The following CBLB variants were observed in gnomAD, a reference collection of about 807,000 sequenced individuals.
CBLB encodes E3 ubiquitin-protein ligase CBL-B.
In CBLB, 31 loss-of-function variants were observed where a neutral mutation model predicts 104.9. The observed-to-expected ratio is 0.30, with a 90% CI of 0.22 to 0.40. The LOEUF is 0.40. CBLB is among the 10% of genes least tolerant of loss of function. The pLI is 1.00. For missense variants in CBLB, 1,062 were observed against 1,214.6 expected, an observed-to-expected ratio of 0.87 and a Z score of 1.87; for synonymous variants, 440 against 422.6, an observed-to-expected ratio of 1.04 and a Z score of -0.51.
intron 16 of CBLB, 61 bp from the exon 17 acceptor site, chr3:105,678,632 C>G (rs1576272309): frequency 1.3e-6 from 2 of 1,504,886 alleles, no homozygotes; most frequent in Admixed American, 1.9e-5. Flanking sequence ...TACACAGCAT[C>G]TAACAAAAGT....
At chr3:105,712,047 C>A (rs556628979) in intron 10 of CBLB, among the ~76,000 whole-genome samples, 1 of 152,204 alleles carries the variant, frequency 6.6e-6, no homozygotes, top group African/African-American at 2.4e-5. Context: ...TTGGGGATAA[C>A]CTTAAGGGCA....
intron 4 of CBLB, among the ~76,000 whole-genome samples, chr3:105,766,295 AC>A (rs1375004618): frequency 6.6e-6 from 1 of 152,208 alleles, no homozygotes; most frequent in Non-Finnish European, 1.5e-5. Context: ...TGCTGTGAAC[AC>A]TGCTGATATT....
intron 12 of CBLB, among the ~76,000 whole-genome samples, chr3:105,698,639 A>T (rs58631873): frequency 2.7e-5 from 4 of 145,658 alleles, no homozygotes; most frequent in East Asian, 4.1e-4. Flanking sequence ...GCATTTGCTT[A>T]TATTAGGGGC....
intron 3 of CBLB, among the ~76,000 whole-genome samples, chr3:105,841,450 C>T (rs2089530618): frequency 6.6e-6 from 1 of 151,218 alleles, no homozygotes; most frequent in Admixed American, 6.6e-5. Flanking sequence ...TGGCAGAAAC[C>T]AAGATATATA....
At chr3:105,760,322 C>T (rs2077496943) in intron 4 of CBLB, among the ~76,000 whole-genome samples, 1 of 152,084 alleles carries the variant, frequency 6.6e-6, no homozygotes, top group African/African-American at 2.4e-5. Context: ...AAAAATTTTT[C>T]CACTTAGAAG....
At chr3:105,806,996 C>A (rs1383907011) in intron 3 of CBLB, among the ~76,000 whole-genome samples, 1 of 152,140 alleles carries the variant, frequency 6.6e-6, no homozygotes, top group African/African-American at 2.4e-5. Context: ...GGGACACGAA[C>A]AAGCTCTTTT....
rs771435761 is a variant in CBLB, at chr3:105,685,329, G to A, written c.2192C>T (p.Pro731Leu). 6.2e-7 allele frequency: 1 copy of A among 1,613,714 alleles called. No individual in the cohort carries two copies. The highest frequency in any genetic ancestry group is 1.3e-5 in the African/African-American group (1 of 74,900). The change falls in exon 14 of 19, where the codon CCT becomes CTT. Residue 731 changes from proline (P) to leucine (L), a missense_variant. Pro to Leu is a moderately conservative substitution (Grantham distance 98). Transcript: ENST00000394030. ...CTGCCCATACTCTTACCGAACAGGA[G>A]GTTTTACATTATGACAATGAGATGG... ...SQPSHCHNVK[P>L]PVRSCDNGHC...
intron 3 of CBLB, among the ~76,000 whole-genome samples, chr3:105,827,946 T>C (rs9820060): frequency 0.11 from 15,993 of 152,246 alleles, 996 homozygotes; most frequent in African/African-American, 0.16. Flanking sequence ...TCTGTCAGCA[T>C]GGTAATGTAT....
At position 105,734,046 on chromosome 3, in the gene CBLB, C is replaced by A. The variant is rs1560008353; in HGVS notation, c.1166G>T (p.Gly389Val). ...NDKDVKIEPC[G>V]HLMCTSCLTA... is the part of the protein sequence containing the mutation. ...AAGGCAAGAGGTGCACATCAAATGCCCACAAGGCTCAATCTTGACATCTTT... is the reference window on the plus strand; with the variant it reads ...AAGGCAAGAGGTGCACATCAAATGCACACAAGGCTCAATCTTGACATCTTT... The change falls in exon 9 of 19, where the codon GGG becomes GTG. Residue 389 changes from glycine (G) to valine (V), a missense_variant. Around this residue, in one of 2 missense-constraint regions of CBLB, gnomAD observed 457 missense variants for 632.0 expected, o/e 0.72. Transcript: ENST00000394030. The A allele has an allele frequency of 6.2e-7, 1 of 1,613,978 alleles. No individual in the cohort carries two copies. Among genetic ancestry groups the A allele is most frequent in the Non-Finnish European group, 8.5e-7 (1 of 1,179,848 alleles).
chr3:105,755,059 A>T (rs2076963741), intron 4 of CBLB, among the ~76,000 whole-genome samples: 1 of 149,322 alleles, frequency 6.7e-6, no homozygotes, highest in South Asian at 2.1e-4. Context: ...GTTTTAGGGT[A>T]CATGTATGTG....
At chr3:105,674,387 G>T (rs2065382641) in intron 17 of CBLB, among the ~76,000 whole-genome samples, 1 of 152,210 alleles carries the variant, frequency 6.6e-6, no homozygotes, top group Non-Finnish European at 1.5e-5. Flanking sequence ...CTGGATCCAA[G>T]AATAAAACTT....
At chr3:105,782,821 C>G (rs2080453812) in intron 3 of CBLB, among the ~76,000 whole-genome samples, 1 of 152,124 alleles carries the variant, frequency 6.6e-6, no homozygotes, top group Admixed American at 6.6e-5. Context: ...ATCTGCCCAC[C>G]TCGGCCTCCC....
rs557486361 is a variant in CBLB, at chr3:105,840,451, G to GA, written c.419+12962dup. The stretch of plus-strand genomic sequence containing the variant: ...AATATTAATTCTGGTTTAATGAAGA[G>GA]AAAAAACAACAGTTCATTTTCACAA... On this transcript the variant is annotated intron_variant, in intron 3 of 18. Transcript: ENST00000394030. 4.6e-5 allele frequency among the ~76,000 whole-genome samples: 7 copies of GA among 151,292 alleles called. No homozygotes were observed. The South Asian group carries it at 1.3e-3, about 27-fold the overall frequency.
intron 3 of CBLB, among the ~76,000 whole-genome samples, chr3:105,780,236 T>C (rs1055537355): frequency 6.6e-6 from 1 of 151,988 alleles, no homozygotes; most frequent in East Asian, 1.9e-4. Context: ...CATCTAGACA[T>C]AGGGAGAAGA....
At chr3:105,818,384 G>A (rs1393290264) in intron 3 of CBLB, among the ~76,000 whole-genome samples, 3 of 151,976 alleles carry the variant, frequency 2.0e-5, no homozygotes, top group African/African-American at 7.2e-5. Flanking sequence ...AATACATTTA[G>A]GGCAACTAGA....
At chr3:105,770,733 A>C (rs1166418809) in intron 4 of CBLB, among the ~76,000 whole-genome samples, 1 of 152,116 alleles carries the variant, frequency 6.6e-6, no homozygotes, top group Non-Finnish European at 1.5e-5. Context: ...TATGTGGAGA[A>C]GCTTATGACC....
At chr3:105,800,960 G>A (rs563483135) in intron 3 of CBLB, among the ~76,000 whole-genome samples, 1 of 151,818 alleles carries the variant, frequency 6.6e-6, no homozygotes, top group Admixed American at 6.6e-5. Flanking sequence ...TATGTCATGT[G>A]AAAGTAAGAG....
intron 3 of CBLB, 38 bp from the exon 4 acceptor site, chr3:105,776,580 A>G (rs766842086): frequency 1.3e-6 from 2 of 1,596,278 alleles, no homozygotes; most frequent in South Asian, 2.2e-5. Flanking sequence ...ATAAGAAATA[A>G]ACACCTAGAT....
intron 4 of CBLB, among the ~76,000 whole-genome samples, chr3:105,768,246 C>T (rs1320557603): frequency 6.6e-6 from 1 of 151,920 alleles, no homozygotes; most frequent in African/African-American, 2.4e-5. Context: ...AGTAATAACA[C>T]TAATGGGAAA....
Sources: allele counts gnomAD v4.1 joint callset (sites outside exome capture counted in the v4.1 genomes callset), GRCh38; gene constraint gnomAD v4.1.1; regional missense constraint gnomAD v4.1.1; transcripts MANE v1.5; gene names NCBI Gene and HGNC (gene_info 2026-07-23, HGNC 2026-07-21).